Variants in MAN1A2 observed in about 807,000 individuals in gnomAD.
The protein encoded by MAN1A2 is mannosidase alpha class 1A member 2, also known as mannosyl-oligosaccharide 1,2-alpha-mannosidase IB.
MAN1A2 carries 26 observed loss-of-function variants against 75.7 expected under a neutral mutation model. The ratio of observed to expected loss-of-function variants is 0.34; its 90% CI spans 0.25 to 0.48. The LOEUF (loss-of-function observed/expected upper bound fraction) is 0.48, where lower values mean the gene tolerates loss of function less well. Ranked by LOEUF, MAN1A2 falls within the 20% of genes least tolerant of loss-of-function variation. MAN1A2 has a pLI of 0.99. For missense variants in MAN1A2, 562 were observed against 775.5 expected (o/e 0.72, Z 3.27); for synonymous variants, 247 against 264.6 (o/e 0.93, Z 0.65).
chr1:117,378,853 G>GT (rs1309812822), intron 1 of MAN1A2, among the ~76,000 whole-genome samples: 1 of 151,814 alleles, frequency 6.6e-6, no homozygotes, highest in Non-Finnish European at 1.5e-5. Flanking sequence ...TACTTGTTCA[G>GT]TTTTTTGCCA....
chr1:117,487,452 G>T (rs986822699), intron 8 of MAN1A2, among the ~76,000 whole-genome samples: 2 of 151,914 alleles, frequency 1.3e-5, no homozygotes, highest in African/African-American at 4.8e-5. Context: ...GAGACAATAG[G>T]AAACCAGTTA....
chr1:117,440,772 GAT>G (rs1649002930), intron 5 of MAN1A2, among the ~76,000 whole-genome samples: 2 of 152,116 alleles, frequency 1.3e-5, no homozygotes, highest in Admixed American at 6.5e-5. Context: ...ATGTAGAAAA[GAT>G]ATGATACAAA....
At chr1:117,473,471 T>G (rs1193258547) in intron 8 of MAN1A2, among the ~76,000 whole-genome samples, 2 of 152,058 alleles carry the variant, frequency 1.3e-5, no homozygotes, top group African/African-American at 4.8e-5. Context: ...GTAAGTCACA[T>G]TATGCCATTT....
intron 5 of MAN1A2, among the ~76,000 whole-genome samples, chr1:117,423,283 TGGCTTTATAG>T (rs2101784071): frequency 6.6e-6 from 1 of 152,324 alleles, no homozygotes; most frequent in Admixed American, 6.5e-5. Flanking sequence ...TTCATTATTA[TGGCTTTATAG>T]AAAGTCTTGA....
chr1:117,409,019 T>G (rs538161882), intron 3 of MAN1A2, among the ~76,000 whole-genome samples: 4 of 152,142 alleles, frequency 2.6e-5, no homozygotes, highest in Non-Finnish European at 5.9e-5. Flanking sequence ...GATTTATGTT[T>G]TGTCTCCTCT....
At chr1:117,472,693 CT>C (rs1275287372) in intron 8 of MAN1A2, among the ~76,000 whole-genome samples, 4 of 151,942 alleles carry the variant, frequency 2.6e-5, no homozygotes, top group African/African-American at 9.7e-5. Flanking sequence ...TATTAGTTTT[CT>C]CCTTTTCTCC....
At chr1:117,443,208 C>T (rs1310220546) in intron 6 of MAN1A2, among the ~76,000 whole-genome samples, 2 of 152,070 alleles carry the variant, frequency 1.3e-5, no homozygotes, top group Admixed American at 6.6e-5. Flanking sequence ...AGAAACGACT[C>T]GACTTTAGTA....
At chr1:117,452,506 GT>G (rs909004101) in intron 6 of MAN1A2, among the ~76,000 whole-genome samples, 6 of 152,188 alleles carry the variant, frequency 3.9e-5, no homozygotes, top group African/African-American at 1.4e-4. Flanking sequence ...AAGTGAAATA[GT>G]TATATTGCCA....
At position 117,405,639 on chromosome 1, in the gene MAN1A2, A is replaced by G. The variant is rs969455009; in HGVS notation, c.649A>G (p.Ile217Val). The change falls in exon 3 of 13, where the codon ATA becomes GTA. Residue 217 changes from isoleucine (I) to valine (V), a missense_variant. Physicochemically the swap from Ile to Val is conservative, Grantham distance 29. Coordinates refer to ENST00000356554, the MANE Select transcript of MAN1A2 (RefSeq NM_006699.5). ...PIARKGHSPNIFGSSQMGATI... is the reference protein window; with the variant it reads ...PIARKGHSPNVFGSSQMGATI... ...TGCAAGGAAAGGACACTCCCCTAAC[A>G]TATTTGGTAAGTTTACTTTTTCTAA... 3 of 1,573,322 alleles carry G rather than the reference A, an allele frequency of 1.9e-6. No individual in the cohort carries two copies. The highest frequency in any genetic ancestry group is 1.7e-4 in the Middle Eastern group (1 of 6,016).
chr1:117,508,775 C>T (rs533897341), intron 12 of MAN1A2, among the ~76,000 whole-genome samples: 58 of 150,014 alleles, frequency 3.9e-4, no homozygotes, highest in African/African-American at 1.3e-3. Context: ...CATGTGCATA[C>T]GTAACACATA....
At chr1:117,380,491 T>G (rs1653296133) in intron 1 of MAN1A2, among the ~76,000 whole-genome samples, 1 of 152,154 alleles carries the variant, frequency 6.6e-6, no homozygotes, top group Non-Finnish European at 1.5e-5. Flanking sequence ...AAAAAAGAGT[T>G]TATGGTTTTA....
chr1:117,427,207 C>G (rs972284188), intron 5 of MAN1A2, among the ~76,000 whole-genome samples: 1 of 151,708 alleles, frequency 6.6e-6, no homozygotes, highest in African/African-American at 2.4e-5. Context: ...CTAAGGTAAC[C>G]CAGATACTGG....
At chr1:117,458,259 T>C (rs945810139) in intron 6 of MAN1A2, among the ~76,000 whole-genome samples, 1 of 151,804 alleles carries the variant, frequency 6.6e-6, no homozygotes, top group Non-Finnish European at 1.5e-5. Flanking sequence ...TACTGTCTTA[T>C]GTAGTTACTA....
At chr1:117,381,755 C>T (rs997542850) in intron 1 of MAN1A2, among the ~76,000 whole-genome samples, 6 of 151,972 alleles carry the variant, frequency 3.9e-5, no homozygotes, top group South Asian at 2.1e-4. Flanking sequence ...CCTGAGGAAT[C>T]GCCACACTGA....
At chr1:117,478,912 C>T (rs1317762684) in intron 8 of MAN1A2, among the ~76,000 whole-genome samples, 1 of 151,082 alleles carries the variant, frequency 6.6e-6, no homozygotes, top group Non-Finnish European at 1.5e-5. Flanking sequence ...TTCTTTCTTT[C>T]TTTTTTTTTC....
chr1:117,458,866 T>C (rs1649718047), intron 6 of MAN1A2, among the ~76,000 whole-genome samples: 2 of 152,006 alleles, frequency 1.3e-5, no homozygotes, highest in Admixed American at 1.3e-4. Context: ...TAAGACAAGA[T>C]CCTAGAGAAT....
chr1:117,454,284 C>G (rs1557957346), intron 6 of MAN1A2, among the ~76,000 whole-genome samples: 1 of 152,072 alleles, frequency 6.6e-6, no homozygotes. Context: ...GCTGTAAATT[C>G]ACAGATTCCA....
chr1:117,455,636 A>G (rs1273209299), intron 6 of MAN1A2, among the ~76,000 whole-genome samples: 1 of 152,114 alleles, frequency 6.6e-6, no homozygotes, highest in Non-Finnish European at 1.5e-5. Context: ...GTAAAAATAC[A>G]GAATTAAAAT....
intron 8 of MAN1A2, among the ~76,000 whole-genome samples, chr1:117,473,183 CTT>C (rs1650216325): frequency 6.6e-6 from 1 of 151,962 alleles, no homozygotes; most frequent in Non-Finnish European, 1.5e-5. Context: ...TTCCTCCAGT[CTT>C]TCTCATTTCA....
Sources: gnomAD v4.1 joint callset for allele counts (sites outside exome capture counted in the v4.1 genomes callset) on GRCh38, gnomAD v4.1.1 for gene constraint, MANE v1.5 for transcripts, NCBI Gene and HGNC (gene_info 2026-07-23, HGNC 2026-07-21) for gene names.